Variants in ACAD9 observed in about 807,000 individuals in gnomAD.
The protein encoded by ACAD9 is acyl-CoA dehydrogenase family member 9.
In ACAD9, 53 loss-of-function variants were observed where a neutral mutation model predicts 70.2. The observed-to-expected ratio is 0.75, with a 90% CI of 0.61 to 0.95. ACAD9 has a LOEUF of 0.95. Ranked by LOEUF, ACAD9 falls within the 40% of genes least tolerant of loss-of-function variation. ACAD9 has a pLI of 0.00. For missense variants in ACAD9, 777 were observed against 802.8 expected, an observed-to-expected ratio of 0.97 and a Z score of 0.39; for synonymous variants, 313 against 312.1, an observed-to-expected ratio of 1.00 and a Z score of -0.03.
intron 2 of ACAD9, among the ~76,000 whole-genome samples, chr3:128,892,246 T>C (rs1370567889): frequency 1.3e-5 from 2 of 152,212 alleles, no homozygotes; most frequent in Admixed American, 1.3e-4. Flanking sequence ...AATTATATAT[T>C]ATAAATATGT....
intron 12 of ACAD9, among the ~76,000 whole-genome samples, chr3:128,906,651 G>C (rs1273342628): frequency 6.6e-6 from 1 of 152,316 alleles, no homozygotes; most frequent in East Asian, 1.9e-4. Flanking sequence ...AACCAGGGCC[G>C]GGTGGAGGGC....
At chr3:128,900,020 C>G (rs950708581) in intron 7 of ACAD9, among the ~76,000 whole-genome samples, 8 of 152,244 alleles carry the variant, frequency 5.3e-5, no homozygotes, top group Admixed American at 2.6e-4. Context: ...CAACCTCTGC[C>G]TCCTGGGTTC....
chr3:128,903,669 C>T (rs1223783379), intron 9 of ACAD9, among the ~76,000 whole-genome samples: 5 of 152,248 alleles, frequency 3.3e-5, no homozygotes, highest in Admixed American at 2.6e-4. Context: ...GGGTGTGAGC[C>T]TGCACCACCT....
intron 14 of ACAD9, 103 bp downstream of exon 14, chr3:128,909,202 G>A: frequency 6.3e-7 from 1 of 1,598,090 alleles, no homozygotes. Flanking sequence ...TTCTCCAGGG[G>A]AAGTTGGGGA....
chr3:128,908,431 C>T, intron 13 of ACAD9, 167 bp downstream of exon 13: 1 of 780,872 alleles, frequency 1.3e-6, no homozygotes, highest in African/African-American at 1.7e-5. Context: ...GGCTTGCTGC[C>T]CAGGGAAGCC....
chr3:128,884,816 A>T lies in ACAD9; in HGVS notation c.244+70A>T, dbSNP rs983038590. ...CTATTTGGTTGATATTTATATTAGA[A>T]GTGACATACATAGGAGAAGTCTTCT... On this transcript the variant is annotated intron_variant, in intron 2 of 17. Coordinates refer to ENST00000308982, the MANE Select transcript of ACAD9 (RefSeq NM_014049.5). The T allele has an allele frequency of 2.5e-6, 3 of 1,183,862 alleles. No homozygotes were observed. In the African/African-American group the frequency reaches 4.5e-5, roughly 18 times the overall value. The allele number at this position is 1,183,862 out of a possible 1,614,324, so 73.3% of individuals were successfully genotyped here.
intron 1 of ACAD9, among the ~76,000 whole-genome samples, chr3:128,880,987 G>A (rs1206171117): frequency 2.0e-5 from 3 of 152,164 alleles, no homozygotes; most frequent in Admixed American, 6.5e-5. Context: ...TTTCGTCGAG[G>A]TGCCCTACTT....
intron 3 of ACAD9, among the ~76,000 whole-genome samples, chr3:128,894,649 C>T (rs139424188): frequency 1.3e-5 from 2 of 151,734 alleles, no homozygotes; most frequent in Non-Finnish European, 2.9e-5. Context: ...AATCCTCCCA[C>T]CTAAGCCTTC....
At chr3:128,884,356 C>T (rs1470249774) in intron 1 of ACAD9, among the ~76,000 whole-genome samples, 1 of 152,178 alleles carries the variant, frequency 6.6e-6, no homozygotes, top group African/African-American at 2.4e-5. Flanking sequence ...AAATGTTAGT[C>T]TTGGGCTCCT....
intron 6 of ACAD9, among the ~76,000 whole-genome samples, chr3:128,898,659 CAA>C (rs1435256072): frequency 2.0e-5 from 3 of 152,106 alleles, no homozygotes; most frequent in African/African-American, 7.2e-5. Flanking sequence ...CTCGGCCTCC[CAA>C]AGTGCTGGGA....
chr3:128,887,136 G>A (rs897056325), intron 2 of ACAD9, among the ~76,000 whole-genome samples: 1 of 151,998 alleles, frequency 6.6e-6, no homozygotes, highest in African/African-American at 2.4e-5. Context: ...TGTTGGCCAG[G>A]CTGGTCTTGA....
At chr3:128,897,966 C>T (rs1228539602) in intron 6 of ACAD9, among the ~76,000 whole-genome samples, 1 of 152,108 alleles carries the variant, frequency 6.6e-6, no homozygotes, top group East Asian at 1.9e-4. Context: ...CAATGATTCT[C>T]CTGCCTTAGC....
chr3:128,890,047 GACTCCTGGGCTCAGGTGAT>G (rs1935371614), intron 2 of ACAD9, among the ~76,000 whole-genome samples: 1 of 151,972 alleles, frequency 6.6e-6, no homozygotes, highest in Admixed American at 6.6e-5. Flanking sequence ...GCTGGTCTCA[GACTCCTGGGCTCAGGTGAT>G]CTTCCTACCT....
At chr3:128,907,523 C>A in intron 12 of ACAD9, among the ~76,000 whole-genome samples, 1 of 152,140 alleles carries the variant, frequency 6.6e-6, no homozygotes, top group East Asian at 1.9e-4. Flanking sequence ...TGCCAGGAGG[C>A]CCCTGCAGTC....
chr3:128,906,325 C>A, intron 12 of ACAD9, 76 bp downstream of exon 12: 1 of 1,591,236 alleles, frequency 6.3e-7, no homozygotes, highest in Non-Finnish European at 8.5e-7. Flanking sequence ...CTCAGGGCCT[C>A]GCAGAGGCCC....
intron 2 of ACAD9, among the ~76,000 whole-genome samples, chr3:128,889,450 T>A (rs1935349287): frequency 6.6e-6 from 1 of 152,192 alleles, no homozygotes; most frequent in Admixed American, 6.5e-5. Context: ...ATGACTGTAT[T>A]TAGAGAGTAC....
intron 6 of ACAD9, chr3:128,898,480 A>G (rs1206218046): frequency 9.0e-6 from 4 of 442,124 alleles, no homozygotes; most frequent in African/African-American, 2.1e-5. Flanking sequence ...ATCTTGGCTC[A>G]CTGCAGCCTC....
chr3:128,909,026 T>G lies in ACAD9; in HGVS notation c.1412T>G (p.Leu471Arg). Residue 471 changes from leucine to arginine, a missense_variant, in exon 14 of 18, where the codon CTT becomes CGT. Leu to Arg is a moderately radical substitution (Grantham distance 102). Transcript: ENST00000308982. ...STVMDTVGRR[L>R]RDSLGRTVDL... ...GTCATGGATACCGTTGGCCGGAGGC[T>G]TCGGGACTCCCTGGGCCGAACTGTG... The G allele has an allele frequency of 6.2e-7, 1 of 1,614,164 alleles. No homozygotes were observed. Among genetic ancestry groups the G allele is most frequent in the South Asian group, 1.1e-5 (1 of 91,088 alleles).
intron 5 of ACAD9, among the ~76,000 whole-genome samples, chr3:128,896,738 A>G (rs1053260096): frequency 6.6e-6 from 1 of 152,204 alleles, no homozygotes; most frequent in Non-Finnish European, 1.5e-5. Flanking sequence ...CAAGTGAGAT[A>G]CCACGCTTGA....
Sources: gnomAD v4.1 joint callset for allele counts (sites outside exome capture counted in the v4.1 genomes callset) on GRCh38, gnomAD v4.1.1 for gene constraint, MANE v1.5 for transcripts, NCBI Gene and HGNC (gene_info 2026-07-23, HGNC 2026-07-21) for gene names.